Variants in CAMTA1 observed in about 807,000 individuals in gnomAD.
The protein encoded by CAMTA1 is calmodulin-binding transcription activator 1.
A neutral mutation model predicts 170.9 loss-of-function variants in CAMTA1; 27 were observed. That is an observed-to-expected ratio of 0.16 (90% CI 0.12 to 0.22). The LOEUF (loss-of-function observed/expected upper bound fraction) is 0.22. Ranked by LOEUF, CAMTA1 falls within the 10% of genes least tolerant of loss-of-function variation. The pLI is 1.00. For missense variants in CAMTA1, 1,619 were observed against 2,217.2 expected (o/e 0.73, Z 5.42); for synonymous variants, 833 against 891.5 (o/e 0.93, Z 1.17).
chr1:7,554,818 C>T lies in CAMTA1; in HGVS notation c.511-85582C>T, dbSNP rs143580967. Among the ~76,000 whole-genome samples, 806 of 152,134 alleles carry T rather than the reference C, an allele frequency of 5.3e-3. 7 individuals carry two copies. Among genetic ancestry groups the T allele is most frequent in the African/African-American group, 0.018 (737 of 41,432 alleles). ...TCTTGGCTTGCTTCATCCCCCCCAA[C>T]CCCATGCCAAAAAAAGAAGCCAGAT... On this transcript the variant is annotated intron_variant, in intron 6 of 22. Transcript: ENST00000303635.
intron 3 of CAMTA1, among the ~76,000 whole-genome samples, chr1:6,958,786 G>A (rs1021637580): frequency 6.6e-6 from 1 of 152,096 alleles, no homozygotes; most frequent in Admixed American, 6.5e-5. Context: ...TTGCTGTGTG[G>A]CTCACCCTCC....
intron 5 of CAMTA1, among the ~76,000 whole-genome samples, chr1:7,447,591 T>A (rs1387758689): frequency 1.3e-5 from 2 of 152,124 alleles, no homozygotes; most frequent in Non-Finnish European, 2.9e-5. Flanking sequence ...GCTAGGCATA[T>A]GCTGCAGCCC....
intron 6 of CAMTA1, among the ~76,000 whole-genome samples, chr1:7,637,885 A>G (rs949907238): frequency 6.6e-6 from 1 of 152,240 alleles, no homozygotes; most frequent in Non-Finnish European, 1.5e-5. Context: ...TGCTGCGCTT[A>G]TGTCAGGGAT....
At chr1:7,221,169 C>T (rs982441306) in intron 4 of CAMTA1, among the ~76,000 whole-genome samples, 5 of 151,904 alleles carry the variant, frequency 3.3e-5, no homozygotes, top group African/African-American at 1.2e-4. Context: ...CCTTAGGCAG[C>T]AGGAATACTC....
intron 3 of CAMTA1, among the ~76,000 whole-genome samples, chr1:6,898,510 A>G (rs575214060): frequency 1.3e-5 from 2 of 152,334 alleles, no homozygotes; most frequent in South Asian, 4.1e-4. Context: ...CTGAGATCGC[A>G]CCACTATACT....
At chr1:6,845,930 G>A (rs1168318894) in intron 3 of CAMTA1, among the ~76,000 whole-genome samples, 1 of 152,184 alleles carries the variant, frequency 6.6e-6, no homozygotes, top group Non-Finnish European at 1.5e-5. Flanking sequence ...GGCTGGGGAG[G>A]CCTCACAATC....
chr1:7,027,208 A>G (rs1702142604), intron 3 of CAMTA1, among the ~76,000 whole-genome samples: 1 of 152,184 alleles, frequency 6.6e-6, no homozygotes, highest in Admixed American at 6.5e-5. Context: ...AAGTAGAAAA[A>G]AAAGAAATGT....
chr1:6,810,883 G>A (rs192266908), intron 1 of CAMTA1, among the ~76,000 whole-genome samples: 6 of 152,264 alleles, frequency 3.9e-5, no homozygotes, highest in Non-Finnish European at 5.9e-5. Flanking sequence ...GTAGAGGGGT[G>A]GTGACGGGAT....
intron 6 of CAMTA1, among the ~76,000 whole-genome samples, chr1:7,573,204 C>A (rs575089019): frequency 6.6e-6 from 1 of 152,304 alleles, no homozygotes; most frequent in African/African-American, 2.4e-5. Context: ...CCCTACTTAA[C>A]CCTCAGAGTG....
In CAMTA1 at chr1:6,903,152, G is replaced by A. The variant is rs115430085; in HGVS notation, c.234+77942G>A. Among the ~76,000 whole-genome samples the A allele has an allele frequency of 3.4e-3, 518 of 152,346 alleles. 3 individuals are homozygous for A. The highest frequency in any genetic ancestry group is 0.012 in the African/African-American group (491 of 41,584). On this transcript the variant is annotated intron_variant, in intron 3 of 22. Transcript: ENST00000303635. ...TAACAACCATATGGATGGAGCTGAA[G>A]AACAGAAGGACATACCCTATGAATG...
At chr1:7,233,165 G>A (rs1663158459) in intron 4 of CAMTA1, among the ~76,000 whole-genome samples, 1 of 152,216 alleles carries the variant, frequency 6.6e-6, no homozygotes, top group South Asian at 2.1e-4. Context: ...TTCCTGCTAG[G>A]AGATGACACA....
At chr1:6,928,353 T>C (rs982291414) in intron 3 of CAMTA1, among the ~76,000 whole-genome samples, 3 of 152,198 alleles carry the variant, frequency 2.0e-5, no homozygotes, top group Non-Finnish European at 2.9e-5. Flanking sequence ...ACTAGACTTA[T>C]AAGACAGGGA....
Position 7,727,121 on chromosome 1 carries a change from A to ATTTT in CAMTA1, c.2915-5311_2915-5308dup, listed in dbSNP as rs71567310. ...ACTCCCCTTTCTCTGCCTTGTATTA[A>ATTTT]TTTTTTTTTTTTTTTTTTTGAGACA... On this transcript the variant is annotated intron_variant, in intron 11 of 22. Transcript: ENST00000303635. Among the ~76,000 whole-genome samples, 37 of 130,336 alleles carry ATTTT rather than the reference A, an allele frequency of 2.8e-4. 1 individual carries two copies. The highest frequency in any genetic ancestry group is 8.1e-4 in the African/African-American group (28 of 34,566). 85.5% of individuals were successfully genotyped at this position (130,336 alleles called of 152,430 possible).
chr1:7,637,889 CAGGG>C, intron 6 of CAMTA1, among the ~76,000 whole-genome samples: 1 of 152,312 alleles, frequency 6.6e-6, no homozygotes, highest in South Asian at 2.1e-4. Flanking sequence ...GCGCTTATGT[CAGGG>C]ATTATCGTGA....
intron 6 of CAMTA1, among the ~76,000 whole-genome samples, chr1:7,607,169 TTGGATGGAATGATGAGTGGA>T (rs2095492573): frequency 7.4e-6 from 1 of 134,780 alleles, no homozygotes; most frequent in African/African-American, 2.9e-5. Context: ...AGATGGGTGG[TTGGATGGAATGATGAGTGGA>T]TGGATGGATG....
chr1:7,761,158 T>C (rs983892654), intron 22 of CAMTA1, among the ~76,000 whole-genome samples: 7 of 152,196 alleles, frequency 4.6e-5, no homozygotes, highest in African/African-American at 1.4e-4. Context: ...CCTAGAATGC[T>C]TGGGGAAATA....
intron 5 of CAMTA1, among the ~76,000 whole-genome samples, chr1:7,448,892 C>T (rs557608621): frequency 3.3e-5 from 5 of 152,336 alleles, no homozygotes; most frequent in African/African-American, 7.2e-5. Context: ...CCTCTGTGGG[C>T]GCCCAGCAGC....
rs1320828035 is a variant in CAMTA1 at position 7,224,931 on chromosome 1, G to A, written c.303-24560G>A. ...AGCTGCATCCTTATTGCCGCAGCCAGCAGATGGCAGAAAGCGCCTTGACCC... is the reference window on the plus strand; with the variant it reads ...AGCTGCATCCTTATTGCCGCAGCCAACAGATGGCAGAAAGCGCCTTGACCC... On this transcript the variant is annotated intron_variant, in intron 4 of 22. Coordinates refer to ENST00000303635, the MANE Select transcript of CAMTA1 (RefSeq NM_015215.4). The surrounding 1 kb of genome is among the most constrained non-coding windows in gnomAD (Gnocchi z 5.2). Among the ~76,000 whole-genome samples the A allele has an allele frequency of 6.6e-6, 1 of 152,244 alleles. No individual in the cohort carries two copies. Among genetic ancestry groups the A allele is most frequent in the Non-Finnish European group, 1.5e-5 (1 of 68,042 alleles).
intron 4 of CAMTA1, among the ~76,000 whole-genome samples, chr1:7,150,827 G>T (rs1244323596): frequency 6.6e-6 from 1 of 152,210 alleles, no homozygotes; most frequent in Non-Finnish European, 1.5e-5. Context: ...AAAGTGGGAA[G>T]TGTATTTTCC....
Sources: allele counts gnomAD v4.1 joint callset (sites outside exome capture counted in the v4.1 genomes callset), GRCh38; gene constraint gnomAD v4.1.1; non-coding constraint Gnocchi (gnomAD v3.1); transcripts MANE v1.5; gene names NCBI Gene and HGNC (gene_info 2026-07-23, HGNC 2026-07-21).